Variants in TDRD1 observed in about 807,000 individuals in gnomAD.
TDRD1 encodes tudor domain containing 1.
TDRD1 carries 37 observed loss-of-function variants against 140.6 expected under a neutral mutation model. That is an observed-to-expected ratio of 0.26 (90% CI 0.20 to 0.35). The LOEUF (loss-of-function observed/expected upper bound fraction) is 0.35. TDRD1 is among the 10% of genes least tolerant of loss of function. The pLI is 1.00. For missense variants in TDRD1, 1,243 were observed against 1,393.0 expected (o/e 0.89, Z 1.71); for synonymous variants, 506 against 475.7 (o/e 1.06, Z -0.83).
chr10:114,187,615 T>G (rs550691572), intron 1 of TDRD1, among the ~76,000 whole-genome samples: 41 of 152,348 alleles, frequency 2.7e-4, no homozygotes, highest in African/African-American at 9.9e-4. Flanking sequence ...AGTTGGTCTG[T>G]TGATTTCTGT....
chr10:114,199,822 CAT>C (rs1448451760), intron 4 of TDRD1, among the ~76,000 whole-genome samples: 1 of 152,216 alleles, frequency 6.6e-6, no homozygotes, highest in African/African-American at 2.4e-5. Flanking sequence ...AATAGTATCT[CAT>C]TGTATGGTTA....
chr10:114,184,579 G>GTA (rs1392917663), intron 1 of TDRD1, among the ~76,000 whole-genome samples: 1 of 152,204 alleles, frequency 6.6e-6, no homozygotes, highest in Non-Finnish European at 1.5e-5. Context: ...AGAACTCTGT[G>GTA]GCCAGTAGTG....
chr10:114,186,945 C>G (rs1387490778), intron 1 of TDRD1, among the ~76,000 whole-genome samples: 1 of 152,026 alleles, frequency 6.6e-6, no homozygotes, highest in Non-Finnish European at 1.5e-5. Context: ...TTACTCATGC[C>G]AGTTTCAGCT....
chr10:114,180,616 AC>A (rs1223512124), intron 1 of TDRD1, among the ~76,000 whole-genome samples: 1 of 152,076 alleles, frequency 6.6e-6, no homozygotes. Flanking sequence ...CAGGCCAGCC[AC>A]CGGCGCCCTG....
At chr10:114,180,021 A>G (rs949206266) in intron 1 of TDRD1, 1 of 152,260 alleles carries the variant, frequency 6.6e-6, no homozygotes, top group Non-Finnish European at 1.5e-5. Context: ...AAACTGTGTA[A>G]GGTGCTGGCC....
chr10:114,227,288 C>T (rs1054549794), exon 23 of TDRD1: 1 of 1,608,480 alleles, frequency 6.2e-7, no homozygotes. Flanking sequence ...AGGCAGAGTG[C>T]TTTAAATACA....
chr10:114,193,492 C>T (rs2034133797), intron 3 of TDRD1, among the ~76,000 whole-genome samples: 2 of 152,150 alleles, frequency 1.3e-5, no homozygotes, highest in African/African-American at 4.8e-5. Context: ...CGTGGTTTCA[C>T]CATGTTGATC....
At chr10:114,200,974 C>T (rs1270952261) in intron 4 of TDRD1, among the ~76,000 whole-genome samples, 1 of 151,160 alleles carries the variant, frequency 6.6e-6, no homozygotes, top group African/African-American at 2.4e-5. Flanking sequence ...CTGCTTCAGC[C>T]TCCTGAGTAG....
At chr10:114,228,453 C>T in intron 25 of TDRD1, 1 of 1,048,556 alleles carries the variant, frequency 9.5e-7, no homozygotes, top group Non-Finnish European at 1.1e-6. Context: ...AGCTTAGCCT[C>T]AGATTTTTTG....
At chr10:114,184,995 T>A (rs1214142886) in intron 1 of TDRD1, among the ~76,000 whole-genome samples, 2 of 152,208 alleles carry the variant, frequency 1.3e-5, no homozygotes, top group Middle Eastern at 3.2e-3. Context: ...GTTGTATTAG[T>A]CCCAATTAGG....
chr10:114,181,608 C>A lies in TDRD1; in HGVS notation c.-7+2192C>A, dbSNP rs2033068341. Among the ~76,000 whole-genome samples the A allele has an allele frequency of 2.6e-5, 4 of 152,254 alleles. No homozygotes were observed. The South Asian group carries it at 8.3e-4, about 32-fold the overall frequency. ...GTGGCTCACACCTGTAATTCCAGCG[C>A]TTCGGGAGGCTGAGGCGGGCGGATC... is the stretch of plus-strand genomic sequence containing the variant. On this transcript the variant is annotated intron_variant, in intron 1 of 25. Transcript: ENST00000251864.
intron 12 of TDRD1, 23 bp downstream of exon 12, chr10:114,210,771 C>T (rs1452913224): frequency 1.2e-6 from 2 of 1,609,686 alleles, no homozygotes; most frequent in Non-Finnish European, 1.7e-6. Context: ...TCTTGATTTG[C>T]TCTATGAAGC....
intron 1 of TDRD1, among the ~76,000 whole-genome samples, chr10:114,187,169 C>G (rs929943278): frequency 6.6e-6 from 1 of 152,154 alleles, no homozygotes; most frequent in African/African-American, 2.4e-5. Context: ...ACATTTCCAA[C>G]TTATTTTCAG....
intron 3 of TDRD1, among the ~76,000 whole-genome samples, chr10:114,192,060 T>A (rs1204038614): frequency 6.6e-6 from 1 of 151,992 alleles, no homozygotes; most frequent in Non-Finnish European, 1.5e-5. Flanking sequence ...TCTAATTTTT[T>A]TTTTTTACCG....
intron 14 of TDRD1, among the ~76,000 whole-genome samples, chr10:114,212,817 T>C (rs2035571003): frequency 6.6e-6 from 1 of 152,210 alleles, no homozygotes. Context: ...ATGTTCACTT[T>C]AGGTGTTAAC....
At chr10:114,191,292 T>TA (rs1323170311) in intron 3 of TDRD1, among the ~76,000 whole-genome samples, 3 of 152,246 alleles carry the variant, frequency 2.0e-5, no homozygotes, top group Non-Finnish European at 4.4e-5. Context: ...GGGTTATTGA[T>TA]ACACCATCAA....
exon 20 of TDRD1, chr10:114,221,387 T>C (rs2036135864): frequency 6.2e-7 from 1 of 1,613,276 alleles, no homozygotes; most frequent in Non-Finnish European, 8.5e-7. Flanking sequence ...TGGAAGACGA[T>C]AGAATTGCCA....
intron 25 of TDRD1, among the ~76,000 whole-genome samples, chr10:114,230,082 C>T (rs998160156): frequency 9.2e-5 from 14 of 152,146 alleles, no homozygotes; most frequent in Admixed American, 7.9e-4. Context: ...CTGCCCTCCT[C>T]GGCCTCCCAA....
In TDRD1 at chr10:114,188,160, A is replaced by G. The variant is rs1292902640; in HGVS notation, c.325+4A>G. ...GACAGGAAAAAATTGCCAGCAGGTG[A>G]GTGAAAACCACAGGCTTCCTACTTC... On this transcript the variant is annotated splice_donor_region_variant and intron_variant, in intron 2 of 25. Coordinates refer to ENST00000251864, the Ensembl canonical transcript of TDRD1. The G allele has an allele frequency of 6.4e-7, 1 of 1,562,988 alleles. No homozygotes were observed. Among genetic ancestry groups the G allele is most frequent in the East Asian group, 2.2e-5 (1 of 44,568 alleles).
Sources: allele counts gnomAD v4.1 joint callset (sites outside exome capture counted in the v4.1 genomes callset), GRCh38; gene constraint gnomAD v4.1.1; transcripts MANE v1.5; gene names NCBI Gene and HGNC (gene_info 2026-07-23, HGNC 2026-07-21).